Variants in AUTS2 observed in about 807,000 individuals in gnomAD.
The protein encoded by AUTS2 is autism susceptibility gene 2 protein.
In AUTS2, 17 loss-of-function variants were observed where a neutral mutation model predicts 112.4. The ratio of observed to expected loss-of-function variants is 0.15; its 90% CI spans 0.10 to 0.23. AUTS2 has a LOEUF of 0.23. Among genes scored for constraint, AUTS2 ranks in the 10% least tolerant of loss-of-function variants. The pLI, the probability that AUTS2 is intolerant of heterozygous loss-of-function variation, is 1.00. For missense variants in AUTS2, 1,510 were observed against 1,701.6 expected (o/e 0.89, Z 1.98); for synonymous variants, 751 against 702.7 (o/e 1.07, Z -1.09).
rs199876770 is a variant in AUTS2, at chr7:70,577,805, TG to T, written c.691-120761del. ...GCATTTTTGTTCATATGTGTTTTAT[TG>T]GGTTTTTTTTTAATTTTTTTCTTTA... On this transcript the variant is annotated intron_variant, in intron 5 of 18. Coordinates refer to ENST00000342771, the MANE Select transcript of AUTS2 (RefSeq NM_015570.4). 4.4e-3 allele frequency among the ~76,000 whole-genome samples: 310 copies of T among 69,764 alleles called. 3 individuals carry two copies. In the Middle Eastern group the frequency reaches 0.052, roughly 12 times the overall value. 45.8% of individuals were successfully genotyped at this position (69,764 alleles called of 152,430 possible). A position where few individuals can be genotyped will look rare whatever the true frequency, so the allele number is the denominator to read the frequency against.
intron 5 of AUTS2, among the ~76,000 whole-genome samples, chr7:70,497,627 G>A (rs1056402643): frequency 2.6e-5 from 4 of 152,186 alleles, no homozygotes; most frequent in African/African-American, 9.7e-5. Flanking sequence ...TAATAATTCT[G>A]AAAGGTAGAT....
chr7:70,558,369 T>C (rs1801338172), intron 5 of AUTS2, among the ~76,000 whole-genome samples: 1 of 152,170 alleles, frequency 6.6e-6, no homozygotes, highest in African/African-American at 2.4e-5. Context: ...TCTCTCTCTG[T>C]GTACTTCCTT....
chr7:70,510,677 C>T (rs1447635477), intron 5 of AUTS2, among the ~76,000 whole-genome samples: 1 of 152,050 alleles, frequency 6.6e-6, no homozygotes, highest in Non-Finnish European at 1.5e-5. Context: ...CAGACATCTT[C>T]TATACCAGAC....
chr7:70,625,451 A>G (rs1421032350), intron 5 of AUTS2, among the ~76,000 whole-genome samples: 1 of 152,236 alleles, frequency 6.6e-6, no homozygotes, highest in South Asian at 2.1e-4. Context: ...ACATCATTAC[A>G]CAAAGCACTC....
intron 5 of AUTS2, among the ~76,000 whole-genome samples, chr7:70,507,722 A>C (rs1205583485): frequency 6.6e-6 from 1 of 152,130 alleles, no homozygotes; most frequent in East Asian, 1.9e-4. Context: ...GCTTGAACCC[A>C]GGAGGCAGAG....
intron 3 of AUTS2, among the ~76,000 whole-genome samples, chr7:70,124,522 G>T (rs1475532120): frequency 6.6e-6 from 1 of 150,788 alleles, no homozygotes; most frequent in Non-Finnish European, 1.5e-5. Flanking sequence ...TCTTGAGTTG[G>T]TTTTTGTATA....
intron 4 of AUTS2, among the ~76,000 whole-genome samples, chr7:70,421,575 G>A (rs1003497106): frequency 2.6e-5 from 4 of 152,204 alleles, no homozygotes; most frequent in Non-Finnish European, 5.9e-5. Context: ...TGCTGCTGAA[G>A]TGCTGGTCCA....
At chr7:70,690,534 A>C (rs1328153210) in intron 5 of AUTS2, among the ~76,000 whole-genome samples, 1 of 152,266 alleles carries the variant, frequency 6.6e-6, no homozygotes, top group African/African-American at 2.4e-5. Context: ...CAATGAAATT[A>C]ATGAACTTTC....
At position 70,361,904 on chromosome 7, in the gene AUTS2, A is replaced by T. The variant is rs552817892; in HGVS notation, c.661-73848A>T. ...TGTATATGTATATAGGCATATATTC[A>T]TATACATACCCATGCTCTCACACAC... On this transcript the variant is annotated intron_variant, in intron 4 of 18. Transcript: ENST00000342771. 6.6e-5 allele frequency among the ~76,000 whole-genome samples: 10 copies of T among 152,324 alleles called. No individual in the cohort carries two copies. The South Asian group carries it at 2.1e-3, about 32-fold the overall frequency.
chr7:69,614,368 T>TTTCTTTCTTTTC, intron 1 of AUTS2, among the ~76,000 whole-genome samples: 6 of 19,524 alleles, frequency 3.1e-4, no homozygotes, highest in African/African-American at 5.7e-4. Context: ...TTCTTTCTTT[T>TTTCTTTCTTTTC]TTTAAGAGAT....
intron 1 of AUTS2, among the ~76,000 whole-genome samples, chr7:69,619,323 G>A (rs1310228683): frequency 6.6e-6 from 1 of 152,156 alleles, no homozygotes; most frequent in African/African-American, 2.4e-5. Flanking sequence ...AAGAAATTCA[G>A]AAGTATTGGG....
chr7:70,581,902 T>C (rs1042151243), intron 5 of AUTS2, among the ~76,000 whole-genome samples: 1 of 152,194 alleles, frequency 6.6e-6, no homozygotes, highest in Non-Finnish European at 1.5e-5. Flanking sequence ...CATTCTAATT[T>C]TTCATCATTT....
At chr7:70,044,576 T>C (rs1268982961) in intron 2 of AUTS2, among the ~76,000 whole-genome samples, 2 of 152,156 alleles carry the variant, frequency 1.3e-5, no homozygotes, top group Non-Finnish European at 2.9e-5. Flanking sequence ...CTCAAATTAA[T>C]TTTTACATTT....
intron 5 of AUTS2, among the ~76,000 whole-genome samples, chr7:70,653,464 A>G (rs1806613251): frequency 6.6e-6 from 1 of 152,178 alleles, no homozygotes; most frequent in South Asian, 2.1e-4. Flanking sequence ...GTGGTTTGCC[A>G]CCATTACCAA....
chr7:69,775,200 T>C (rs1157407583), intron 1 of AUTS2, among the ~76,000 whole-genome samples: 1 of 152,184 alleles, frequency 6.6e-6, no homozygotes, highest in Non-Finnish European at 1.5e-5. Flanking sequence ...CTTCACTCCA[T>C]TCCTTCTCAG....
At chr7:69,780,391 C>T (rs967822815) in intron 1 of AUTS2, among the ~76,000 whole-genome samples, 1 of 152,000 alleles carries the variant, frequency 6.6e-6, no homozygotes, top group African/African-American at 2.4e-5. Flanking sequence ...AAATTTTGAC[C>T]TTTTCTATTA....
chr7:70,787,462 CG>C, intron 18 of AUTS2, 31 bp downstream of exon 18: 2 of 1,496,860 alleles, frequency 1.3e-6, no homozygotes, highest in Non-Finnish European at 1.8e-6. Flanking sequence ...CGAGTCCCCA[CG>C]GGGGAGCCTG....
chr7:70,086,356 C>T (rs986724597), intron 2 of AUTS2, among the ~76,000 whole-genome samples: 3 of 152,054 alleles, frequency 2.0e-5, no homozygotes, highest in African/African-American at 7.2e-5. Flanking sequence ...AAAAGTTCTG[C>T]AGTGGCCGGG....
intron 5 of AUTS2, among the ~76,000 whole-genome samples, chr7:70,492,088 C>A (rs1023074438): frequency 6.6e-6 from 1 of 152,138 alleles, no homozygotes; most frequent in Non-Finnish European, 1.5e-5. Context: ...TCCACCCCAC[C>A]CCTCCCAGTG....
Sources: gnomAD v4.1 joint callset for allele counts (sites outside exome capture counted in the v4.1 genomes callset) on GRCh38, gnomAD v4.1.1 for gene constraint, MANE v1.5 for transcripts, NCBI Gene and HGNC (gene_info 2026-07-23, HGNC 2026-07-21) for gene names.